The following FXYD5 variants were observed in gnomAD, a reference collection of about 807,000 sequenced individuals.
FXYD5 encodes FXYD domain containing ion transport regulator 5.
Under a neutral mutation model 25.7 loss-of-function variants are expected in FXYD5, and 21 were observed. That is an observed-to-expected ratio of 0.82 (90% CI 0.58 to 1.18). The LOEUF (loss-of-function observed/expected upper bound fraction) is 1.18. Ranked by LOEUF, FXYD5 falls within the 50% of genes most tolerant of loss-of-function variation. The probability of loss-of-function intolerance (pLI) is 0.00; values close to 1 mark genes in which losing one functional copy is unlikely to be tolerated. For missense variants in FXYD5, 229 were observed against 227.7 expected (o/e 1.01, Z -0.04); for synonymous variants, 101 against 90.7 (o/e 1.11, Z -0.64).
chr19:35,158,157 G>A (rs907287951), intron 3 of FXYD5, among the ~76,000 whole-genome samples, 187 bp from the exon 4 acceptor site: 2 of 152,216 alleles, frequency 1.3e-5, no homozygotes, highest in Admixed American at 1.3e-4. Context: ...TGGGACGTAA[G>A]GTCCCAAAGA....
At position 35,165,643 on chromosome 19, in the gene FXYD5, G is replaced by A. The variant is rs180965545; in HGVS notation, c.383-499G>A. Among the ~76,000 whole-genome samples, 145 of 152,168 alleles carry A rather than the reference G, an allele frequency of 9.5e-4. 1 individual carries two copies. The highest frequency in any genetic ancestry group is 1.2e-3 in the Non-Finnish European group (85 of 68,002). On this transcript the variant is annotated intron_variant, in intron 6 of 8. Transcript: ENST00000392219. ...CAATGTCTAACCTCTGGGGAATACA[G>A]CCCAGTAGGTCTCAGCCTTATTTTA...
intron 2 of FXYD5, among the ~76,000 whole-genome samples, chr19:35,156,142 C>T (rs2065353509): frequency 1.3e-5 from 2 of 152,166 alleles, no homozygotes; most frequent in African/African-American, 4.8e-5. Flanking sequence ...TCAGTCACAC[C>T]TGTTGTCTTG....
chr19:35,166,207 G>T, intron 7 of FXYD5, 36 bp downstream of exon 7: 1 of 1,611,980 alleles, frequency 6.2e-7, no homozygotes, highest in Non-Finnish European at 8.5e-7. Context: ...GGGAAGGAAA[G>T]GTGAGGTCCG....
At position 35,169,801 on chromosome 19, in the gene FXYD5, G is replaced by A. The variant is rs957343157; in HGVS notation, c.*186G>A. 7.7e-5 allele frequency: 46 copies of A among 597,226 alleles called. No individual in the cohort carries two copies. The highest frequency in any genetic ancestry group is 8.8e-4 in the Middle Eastern group (2 of 2,266). 37.0% of individuals were successfully genotyped at this position (597,226 alleles called of 1,614,324 possible). On this transcript the variant is annotated 3_prime_UTR_variant, in exon 9 of 9. Coordinates refer to ENST00000392219, the MANE Select transcript of FXYD5 (RefSeq NM_014164.6). Reference sequence around the variant, plus strand: ...ACCTCCCCCAACCCTGCCCGCCCCTGAAGGCTACCTGGCGCCTTGGGGGCT... The same window carrying A: ...ACCTCCCCCAACCCTGCCCGCCCCTAAAGGCTACCTGGCGCCTTGGGGGCT...
chr19:35,155,708 G>T, intron 2 of FXYD5, 97 bp downstream of exon 2: 2 of 874,116 alleles, frequency 2.3e-6, no homozygotes, highest in Non-Finnish European at 3.8e-6. Flanking sequence ...TGTGAACGTT[G>T]TCCTGCCCTG....
chr19:35,164,196 A>T lies in FXYD5; in HGVS notation c.333A>T (p.Pro111=). 6.2e-7 allele frequency: 1 copy of T among 1,614,042 alleles called. No individual in the cohort carries two copies. The highest frequency in any genetic ancestry group is 1.1e-5 in the South Asian group (1 of 91,070). The change falls in exon 6 of 9, where the codon CCA becomes CCT. Residue 111 remains proline (P), a synonymous_variant. Transcript: ENST00000392219. ...ACACCACGACGCTCTCTGAGAGACC[A>T]TCCCCAAGCACAGACGTCCAGACAG... ...TDDTTTLSER[P]SPSTDVQTDP...
intron 6 of FXYD5, 76 bp downstream of exon 6, chr19:35,164,321 C>T (rs1167363552): frequency 1.4e-6 from 2 of 1,426,838 alleles, no homozygotes; most frequent in South Asian, 1.3e-5. Context: ...GGAGTACAGC[C>T]CAGCACAGAA....
chr19:35,159,486 T>C (rs2065385931), intron 4 of FXYD5: 1 of 1,547,948 alleles, frequency 6.5e-7, no homozygotes, highest in Non-Finnish European at 8.7e-7. Flanking sequence ...AGACTTGTTT[T>C]GTTTTCTCTC....
At chr19:35,155,973 CAAAGCTGT>C (rs1268546764) in intron 2 of FXYD5, among the ~76,000 whole-genome samples, 1 of 152,204 alleles carries the variant, frequency 6.6e-6, no homozygotes, top group Non-Finnish European at 1.5e-5. Flanking sequence ...CACAGTTAGG[CAAAGCTGT>C]TGAGCTGGGG....
At chr19:35,160,471 C>T (rs368252298) in intron 4 of FXYD5, among the ~76,000 whole-genome samples, 18 of 152,120 alleles carry the variant, frequency 1.2e-4, no homozygotes, top group Non-Finnish European at 2.1e-4. Flanking sequence ...CTCAGCCTCC[C>T]GAGTAGCTGA....
At chr19:35,163,419 T>TC (rs914217619) in intron 5 of FXYD5, among the ~76,000 whole-genome samples, 1 of 151,832 alleles carries the variant, frequency 6.6e-6, no homozygotes, top group Non-Finnish European at 1.5e-5. Context: ...TTTTTTTTTT[T>TC]TCAAGAGAAG....
intron 6 of FXYD5, 139 bp from the exon 7 acceptor site, chr19:35,166,003 C>A: frequency 1.3e-6 from 1 of 780,798 alleles, no homozygotes; most frequent in African/African-American, 1.7e-5. Context: ...ATAATGGGAG[C>A]CAGATTGTGT....
intron 5 of FXYD5, among the ~76,000 whole-genome samples, chr19:35,162,248 C>T (rs1291432565): frequency 6.6e-6 from 1 of 152,194 alleles, no homozygotes; most frequent in Non-Finnish European, 1.5e-5. Flanking sequence ...TGAAAGCCCC[C>T]AGGGCCTCTC....
intron 5 of FXYD5, among the ~76,000 whole-genome samples, chr19:35,161,791 T>G (rs985187517): frequency 2.6e-5 from 4 of 152,192 alleles, no homozygotes; most frequent in Admixed American, 6.5e-5. Flanking sequence ...AGCCCCACAC[T>G]GGAAAGTGTT....
In FXYD5 at chr19:35,155,374, T is replaced by G. The variant is rs2065343387; in HGVS notation, c.1-177T>G. 6 of 603,648 alleles carry G rather than the reference T, an allele frequency of 9.9e-6. No homozygotes were observed. In the Admixed American group the frequency reaches 1.4e-4, roughly 14 times the overall value. 37.4% of individuals were successfully genotyped at this position (603,648 alleles called of 1,614,324 possible). On this transcript the variant is annotated intron_variant, in intron 1 of 8. Coordinates refer to ENST00000392219, the MANE Select transcript of FXYD5 (RefSeq NM_014164.6). ...GGAAGGAAGCAGGGTGACGGTTTGGTATCCCCACCTAAGACCCTCCCCTTT... is the reference window on the plus strand; with the variant it reads ...GGAAGGAAGCAGGGTGACGGTTTGGGATCCCCACCTAAGACCCTCCCCTTT...
intron 6 of FXYD5, 111 bp from the exon 7 acceptor site, chr19:35,166,031 G>A: frequency 1.1e-6 from 1 of 926,070 alleles, no homozygotes. Flanking sequence ...TGAAGATTTT[G>A]GGTTTTGTTC....
intron 2 of FXYD5, among the ~76,000 whole-genome samples, chr19:35,156,554 A>G (rs1197210030): frequency 1.3e-5 from 2 of 152,122 alleles, no homozygotes; most frequent in African/African-American, 2.4e-5. Flanking sequence ...TGACATTTGG[A>G]CCAACAAACA....
At chr19:35,157,326 C>T in intron 2 of FXYD5, 95 bp from the exon 3 acceptor site, 1 of 684,176 alleles carries the variant, frequency 1.5e-6, no homozygotes, top group Non-Finnish European at 2.7e-6. Flanking sequence ...CACCAGCAGA[C>T]AGGACCCCTA....
At chr19:35,165,373 G>C (rs775222532) in intron 6 of FXYD5, among the ~76,000 whole-genome samples, 1 of 152,220 alleles carries the variant, frequency 6.6e-6, no homozygotes, top group Non-Finnish European at 1.5e-5. Flanking sequence ...TTTTTATACT[G>C]TATAGGGTAA....
Sources: allele counts gnomAD v4.1 joint callset (sites outside exome capture counted in the v4.1 genomes callset), GRCh38; gene constraint gnomAD v4.1.1; transcripts MANE v1.5; gene names NCBI Gene and HGNC (gene_info 2026-07-23, HGNC 2026-07-21).